The following AGPAT3 variants were observed in gnomAD, a reference collection of about 807,000 sequenced individuals.
AGPAT3 encodes 1-acylglycerol-3-phosphate O-acyltransferase 3.
Under a neutral mutation model 47.3 loss-of-function variants are expected in AGPAT3, and 5 were observed. The observed-to-expected ratio is 0.11, with a 90% CI of 0.06 to 0.22. The LOEUF (loss-of-function observed/expected upper bound fraction) is 0.22. Ranked by LOEUF, AGPAT3 falls within the 10% of genes least tolerant of loss-of-function variation. The pLI, the probability that AGPAT3 is intolerant of heterozygous loss-of-function variation, is 1.00. For synonymous variants in AGPAT3, 212 were observed against 208.3 expected, an observed-to-expected ratio of 1.02 and a Z score of -0.15; for missense variants, 315 against 493.0, an observed-to-expected ratio of 0.64 and a Z score of 3.42.
rs938247427 is a variant in AGPAT3 at position 43,933,232 on chromosome 21, C to T, written c.-48-26402C>T. On this transcript the variant is annotated intron_variant, in intron 2 of 9. Coordinates refer to ENST00000291572, the MANE Select transcript of AGPAT3 (RefSeq NM_020132.5). This position sits in a 1 kb window ranked among gnomAD's most constrained non-coding sequence, Gnocchi z 6.0. ...CCTTCTGAGGCACAGCCGTTCGGGT[C>T]CTTTGCTGTTTGCTTTCTTGCTATT... is the stretch of plus-strand genomic sequence containing the variant. Among the ~76,000 whole-genome samples, 2 of 152,110 alleles carry T rather than the reference C, an allele frequency of 1.3e-5. No individual in the cohort carries two copies. Among genetic ancestry groups the T allele is most frequent in the African/African-American group, 4.8e-5 (2 of 41,406 alleles).
intron 1 of AGPAT3, among the ~76,000 whole-genome samples, chr21:43,877,197 G>A (rs1176576636): frequency 6.6e-6 from 1 of 152,112 alleles, no homozygotes; most frequent in African/African-American, 2.4e-5. Context: ...CTCAGATTTT[G>A]TCCTTATAAA....
chr21:43,874,000 GCTTAGTTTCTTAATTTT>G (rs1320653720), intron 1 of AGPAT3, among the ~76,000 whole-genome samples: 1 of 152,030 alleles, frequency 6.6e-6, no homozygotes, highest in African/African-American at 2.4e-5. Flanking sequence ...TTTTCTCTAA[GCTTAGTTTCTTAATTTT>G]CAACTTTCTG....
intron 2 of AGPAT3, among the ~76,000 whole-genome samples, chr21:43,906,454 AT>A (rs1251171336): frequency 6.6e-6 from 1 of 152,178 alleles, no homozygotes; most frequent in Non-Finnish European, 1.5e-5. Flanking sequence ...ATGCAACTCA[AT>A]TGGTTATCAG....
intron 1 of AGPAT3, among the ~76,000 whole-genome samples, chr21:43,896,739 C>T (rs1341721358): frequency 6.6e-6 from 1 of 152,178 alleles, no homozygotes; most frequent in Non-Finnish European, 1.5e-5. Flanking sequence ...GTGAAATTAT[C>T]TTCTTACCTT....
chr21:43,945,007 A>G (rs984876233), intron 2 of AGPAT3, among the ~76,000 whole-genome samples: 8 of 152,230 alleles, frequency 5.3e-5, no homozygotes, highest in African/African-American at 1.9e-4. Flanking sequence ...GACGCCAGCA[A>G]GTCGGACCCT....
rs1452949828 is a variant in AGPAT3, at chr21:43,908,031, C to T, written c.-49+4012C>T. Among the ~76,000 whole-genome samples, 2 of 152,154 alleles carry T rather than the reference C, an allele frequency of 1.3e-5. No individual in the cohort carries two copies. Among genetic ancestry groups the T allele is most frequent in the Non-Finnish European group, 2.9e-5 (2 of 68,026 alleles). On this transcript the variant is annotated intron_variant, in intron 2 of 9. Transcript: ENST00000291572. This position sits in a 1 kb window ranked among gnomAD's most constrained non-coding sequence, Gnocchi z 4.9. Reference sequence around the variant, plus strand: ...AGCAGAGCAAAGGGATGATGGTCTTCGGAGGAGGGCGCTGGCTCAGGCACC... The same window carrying T: ...AGCAGAGCAAAGGGATGATGGTCTTTGGAGGAGGGCGCTGGCTCAGGCACC...
In AGPAT3 at chr21:43,922,051, TG is replaced by T. The variant is rs535134405; in HGVS notation, c.-49+18033del. 9.7e-4 allele frequency among the ~76,000 whole-genome samples: 148 copies of T among 152,314 alleles called. No homozygotes were observed. Among genetic ancestry groups the T allele is most frequent in the African/African-American group, 3.4e-3 (142 of 41,558 alleles). On this transcript the variant is annotated intron_variant, in intron 2 of 9. Transcript: ENST00000291572. This position sits in a 1 kb window ranked among gnomAD's most constrained non-coding sequence, Gnocchi z 4.9. ...GTTTAGCAAATACTTGATAGATTGT[TG>T]TGAGAATGTGGGCTTCCTTATTTGG...
chr21:43,976,642 T>C (rs141825945), intron 7 of AGPAT3, among the ~76,000 whole-genome samples: 1 of 152,382 alleles, frequency 6.6e-6, no homozygotes, highest in African/African-American at 2.4e-5. Flanking sequence ...TTTGTTCTTA[T>C]ATCAGTGTTT....
intron 8 of AGPAT3, among the ~76,000 whole-genome samples, chr21:43,978,606 G>A (rs1389295221): frequency 6.6e-6 from 1 of 152,200 alleles, no homozygotes; most frequent in Non-Finnish European, 1.5e-5. Flanking sequence ...ACCACACCTG[G>A]TCCCTTCTTC....
intron 1 of AGPAT3, among the ~76,000 whole-genome samples, chr21:43,888,862 G>A (rs1479467753): frequency 1.3e-5 from 2 of 152,042 alleles, no homozygotes; most frequent in African/African-American, 4.8e-5. Context: ...GGTGGCATGC[G>A]CCTGTAATAC....
intron 2 of AGPAT3, among the ~76,000 whole-genome samples, chr21:43,957,424 C>T (rs1339354080): frequency 6.6e-6 from 1 of 152,194 alleles, no homozygotes; most frequent in African/African-American, 2.4e-5. Flanking sequence ...TTCCAGAGGA[C>T]CAAGTCAGGG....
chr21:43,914,081 C>T (rs904621340), intron 2 of AGPAT3, among the ~76,000 whole-genome samples: 1 of 152,172 alleles, frequency 6.6e-6, no homozygotes, highest in Admixed American at 6.5e-5. Context: ...CCACGGCTGA[C>T]GTCTCTCTGC....
intron 3 of AGPAT3, among the ~76,000 whole-genome samples, chr21:43,960,212 G>A (rs1207590822): frequency 6.6e-6 from 1 of 152,136 alleles, no homozygotes; most frequent in African/African-American, 2.4e-5. Flanking sequence ...CCCACACTGC[G>A]CCAACACCAG....
At position 43,984,946 on chromosome 21, in the gene AGPAT3, G is replaced by A. The variant is rs146681330; in HGVS notation, c.*2554G>A. The A allele has an allele frequency of 1.3e-3, 477 of 360,072 alleles. 4 individuals carry two copies. Among genetic ancestry groups the A allele is most frequent in the African/African-American group, 9.5e-3 (448 of 46,984 alleles). 22.3% of individuals were successfully genotyped at this position (360,072 alleles called of 1,614,324 possible). A position where few individuals can be genotyped will look rare whatever the true frequency, so the allele number is the denominator to read the frequency against. On this transcript the variant is annotated 3_prime_UTR_variant, in exon 10 of 10. Coordinates refer to ENST00000291572, the MANE Select transcript of AGPAT3 (RefSeq NM_020132.5). ...TGAGGCACATTCTAGGCCTGGCATC[G>A]CTGATGCCCTCTGCACCCAGTCCTT...
chr21:43,960,001 C>G, intron 3 of AGPAT3, 142 bp downstream of exon 3: 1 of 853,236 alleles, frequency 1.2e-6, no homozygotes, highest in Non-Finnish European at 1.8e-6. Context: ...GGCAGGCTGT[C>G]GGAAGGCACC....
chr21:43,953,052 C>T (rs1031151304), intron 2 of AGPAT3, among the ~76,000 whole-genome samples: 2 of 152,192 alleles, frequency 1.3e-5, no homozygotes, highest in African/African-American at 4.8e-5. Context: ...AAGTACCCAG[C>T]GGCTCTGCCA....
intron 1 of AGPAT3, among the ~76,000 whole-genome samples, chr21:43,884,138 G>T (rs75933668): frequency 2.0e-5 from 3 of 152,104 alleles, no homozygotes; most frequent in African/African-American, 7.2e-5. Context: ...GTCTCAGCTC[G>T]CAGGCCTTCC....
At chr21:43,907,276 G>A (rs1274444882) in intron 2 of AGPAT3, among the ~76,000 whole-genome samples, 4 of 151,924 alleles carry the variant, frequency 2.6e-5, no homozygotes, top group African/African-American at 7.3e-5. Context: ...CCCATCTGCC[G>A]GCCTCGGCCT....
In AGPAT3 at chr21:43,922,789, TGCC is replaced by T. The variant is rs2146204803; in HGVS notation, c.-49+18771_-49+18773del. On this transcript the variant is annotated intron_variant, in intron 2 of 9. Transcript: ENST00000291572. The surrounding 1 kb of genome is among the most constrained non-coding windows in gnomAD (Gnocchi z 4.9). ...CAGGGGCTGTGGCTCAGGAGCCACG[TGCC>T]AGGCAGGTCACTCCGTCAGCATAGG... 6.6e-6 allele frequency among the ~76,000 whole-genome samples: 1 copy of T among 152,216 alleles called. No individual in the cohort carries two copies. The highest frequency in any genetic ancestry group is 2.4e-5 in the African/African-American group (1 of 41,526).
Sources: gnomAD v4.1 joint callset for allele counts (sites outside exome capture counted in the v4.1 genomes callset) on GRCh38, gnomAD v4.1.1 for gene constraint, Gnocchi (gnomAD v3.1) non-coding constraint, MANE v1.5 for transcripts, NCBI Gene and HGNC (gene_info 2026-07-23, HGNC 2026-07-21) for gene names.